The following MAGEE1 variants were observed in gnomAD, a reference collection of about 807,000 sequenced individuals.
MAGEE1 encodes melanoma-associated antigen E1.
Under a neutral mutation model 12.0 loss-of-function variants are expected in MAGEE1, and 3 were observed. That is an observed-to-expected ratio of 0.25 (90% CI 0.11 to 0.65). MAGEE1 has a LOEUF of 0.65. Among genes scored for constraint, MAGEE1 ranks in the 30% least tolerant of loss-of-function variants. The pLI is 0.84. For missense variants in MAGEE1, 729 were observed against 772.2 expected (o/e 0.94, Z 0.66); for synonymous variants, 414 against 326.1 (o/e 1.27, Z -2.91).
At position 76,428,147 on chromosome X, in the gene MAGEE1, G is replaced by A. The variant is rs1285274035; in HGVS notation, c.217G>A (p.Ala73Thr). 2 of 1,199,388 alleles carry A rather than the reference G, an allele frequency of 1.7e-6. No individual in the cohort carries two copies. Among genetic ancestry groups the A allele is most frequent in the Admixed American group, 2.3e-5 (1 of 44,441 alleles). ...GPSTSVLPTSAEGPSTFVPPT... is the reference protein window; with the variant it reads ...GPSTSVLPTSTEGPSTFVPPT... ...AAGCACCTCCGTTCTGCCCACCTCC[G>A]CTGAGGGCCCAAGCACCTTTGTGCC... Residue 73 changes from alanine (A) to threonine (T), a missense_variant, in exon 1 of 1, where the codon GCT (alanine) becomes ACT (threonine). Around this residue, in one of 4 missense-constraint regions of MAGEE1, gnomAD observed 473 missense variants for 423.7 expected, o/e 1.12. Transcript: ENST00000361470.
Position 76,428,498 on chromosome X carries a change from C to A in MAGEE1, c.568C>A (p.Pro190Thr). ...AYEGPSTSVV[P>T]TPDEGPSTSV... Reference sequence around the variant, plus strand: ...TGAGGGACCAAGCACCTCCGTGGTGCCCACCCCTGATGAGGGACCAAGCAC... The same window carrying A: ...TGAGGGACCAAGCACCTCCGTGGTGACCACCCCTGATGAGGGACCAAGCAC... Residue 190 changes from proline (P) to threonine (T), a missense_variant, in exon 1 of 1, where the codon CCC becomes ACC. Physicochemically the swap from Pro to Thr is conservative, Grantham distance 38 (BLOSUM62 -1). This residue lies in a region of MAGEE1 where 473 missense variants were observed against 423.7 expected (regional missense o/e 1.12). Coordinates refer to ENST00000361470, the MANE Select transcript of MAGEE1 (RefSeq NM_020932.3). The A allele has an allele frequency of 1.7e-6, 2 of 1,210,227 alleles. No homozygotes were observed. Among genetic ancestry groups the A allele is most frequent in the Non-Finnish European group, 2.2e-6 (2 of 894,961 alleles).
chrX:76,428,739 C>T lies in MAGEE1; in HGVS notation c.809C>T (p.Thr270Ile). 1 of 1,211,378 alleles carries T rather than the reference C, an allele frequency of 8.3e-7. No individual in the cohort carries two copies. Among genetic ancestry groups the T allele is most frequent in the African/African-American group, 1.7e-5 (1 of 57,883 alleles). ...GCCACTCCTGGTGAGGGACCGAGCA[C>T]CTCCGTGCTGCCCGCCGCCTCTGAC... is the stretch of plus-strand genomic sequence containing the variant. ...VPATPGEGPS[T>I]SVLPAASDGQ... Residue 270 changes from threonine (T) to isoleucine (I), a missense_variant, in exon 1 of 1, where the codon ACC becomes ATC. Physicochemically the swap from Thr to Ile is moderately conservative, Grantham distance 89 (BLOSUM62 -1). Transcript: ENST00000361470.
At position 76,428,204 on chromosome X, in the gene MAGEE1, G is replaced by A; in HGVS notation, c.274G>A (p.Gly92Arg). 8.3e-7 allele frequency: 1 copy of A among 1,210,939 alleles called. No individual in the cohort carries two copies. Among genetic ancestry groups the A allele is most frequent in the Non-Finnish European group, 1.1e-6 (1 of 895,168 alleles). Reference sequence around the variant, plus strand: ...CATCTCTGAGGCCTCAAGCGCCTCCGGGCAGCCCACCATCTCTGAGGGACC... The same window carrying A: ...CATCTCTGAGGCCTCAAGCGCCTCCAGGCAGCCCACCATCTCTGAGGGACC... ...PTISEASSAS[G>R]QPTISEGPGT... is the part of the protein sequence containing the mutation. The change falls in exon 1 of 1, where the codon GGG (glycine) becomes AGG (arginine). Residue 92 changes from glycine (G) to arginine (R), a missense_variant. This residue lies in a region of MAGEE1 where 473 missense variants were observed against 423.7 expected (regional missense o/e 1.12). Transcript: ENST00000361470.
Position 76,428,129 on chromosome X carries a change from T to G in MAGEE1, c.199T>G (p.Ser67Ala). Residue 67 changes from serine (S) to alanine (A), a missense_variant, in exon 1 of 1, where the codon TCC (serine) becomes GCC (alanine). Physicochemically the swap from Ser to Ala is moderately conservative, Grantham distance 99 (BLOSUM62 1). Coordinates refer to ENST00000361470, the MANE Select transcript of MAGEE1 (RefSeq NM_020932.3). ...GLCASEGPSTSVLPTSAEGPS... is the reference protein window; with the variant it reads ...GLCASEGPSTAVLPTSAEGPS... The stretch of plus-strand genomic sequence containing the variant: ...CTGCGCCTCTGAGGGCCCAAGCACC[T>G]CCGTTCTGCCCACCTCCGCTGAGGG... 3 of 1,196,088 alleles carry G rather than the reference T, an allele frequency of 2.5e-6. No homozygotes were observed. Among genetic ancestry groups the G allele is most frequent in the Non-Finnish European group, 3.4e-6 (3 of 887,596 alleles).
At position 76,429,709 on chromosome X, in the gene MAGEE1, G is replaced by A; in HGVS notation, c.1779G>A (p.Leu593=). Residue 593 remains leucine (L), a synonymous_variant, in exon 1 of 1, where the codon CTG becomes CTA. Transcript: ENST00000361470. ...LLMMILGQIF[L]NGNQAKEAEI... The stretch of plus-strand genomic sequence containing the variant: ...TGATGATTCTAGGCCAAATATTCCT[G>A]AATGGCAACCAAGCCAAGGAGGCTG... The A allele has an allele frequency of 3.3e-6, 4 of 1,211,182 alleles. No homozygotes were observed. The highest frequency in any genetic ancestry group is 3.5e-5 in the South Asian group (2 of 56,851).
chrX:76,431,318 AAAAAT>A lies in MAGEE1; in HGVS notation c.*519_*523del, dbSNP rs1923379618. 1 of 124,618 alleles carries A rather than the reference AAAAAT, an allele frequency of 8.0e-6. No individual in the cohort carries two copies. Among genetic ancestry groups the A allele is most frequent in the Admixed American group, 9.4e-5 (1 of 10,684 alleles). The allele number at this position is 124,618 out of a possible 1,213,427, so 10.3% of individuals were successfully genotyped here. A position where few individuals can be genotyped will look rare whatever the true frequency, so the allele number is the denominator to read the frequency against. On this transcript the variant is annotated 3_prime_UTR_variant, in exon 1 of 1. Transcript: ENST00000361470. ...TGCTTTGCTGTACTAAAATGTAATGAAAAATAAAAGATTAATAAATGAAACATAAT... is the reference window on the plus strand; with the variant it reads ...TGCTTTGCTGTACTAAAATGTAATGAAAAAGATTAATAAATGAAACATAAT...
rs1556839365 is a variant in MAGEE1, at chrX:76,428,596, C to A, written c.666C>A (p.Thr222=). 2.3e-5 allele frequency: 28 copies of A among 1,208,164 alleles called. No individual in the cohort carries two copies. Among genetic ancestry groups the A allele is most frequent in the Middle Eastern group, 2.3e-4 (1 of 4,371 alleles). Residue 222 remains threonine (T), a synonymous_variant, in exon 1 of 1, where the codon ACC becomes ACA. Coordinates refer to ENST00000361470, the MANE Select transcript of MAGEE1 (RefSeq NM_020932.3). ...TCGCCGCCACTGAGGGCCTGAGCAC[C>A]TCCGTGCAGGCCACTCCTGATGAGG... ...VPLAATEGLS[T]SVQATPDEGP...
Position 76,428,689 on chromosome X carries a change from T to C in MAGEE1, c.759T>C (p.Asp253=). 2 of 1,208,890 alleles carry C rather than the reference T, an allele frequency of 1.7e-6. No homozygotes were observed. The highest frequency in any genetic ancestry group is 2.2e-6 in the Non-Finnish European group (2 of 894,230). ...GLSTPVPPTR[D]EGPSTSVPAT... ...GCACCCCCGTGCCACCCACCCGTGA[T>C]GAGGGACCGAGCACCTCCGTGCCGG... is the stretch of plus-strand genomic sequence containing the variant. Residue 253 remains aspartate, a synonymous_variant, in exon 1 of 1, where the codon GAT becomes GAC. Coordinates refer to ENST00000361470, the MANE Select transcript of MAGEE1 (RefSeq NM_020932.3).
Position 76,429,141 on chromosome X carries a change from T to C in MAGEE1, c.1211T>C (p.Val404Ala). ...GCCCCTGACGGACCGGGAAGCTCCG[T>C]GCTGCCTAACCCTGGTGAGGGCCCG... The part of the protein sequence containing the change: ...PTAPDGPGSS[V>A]LPNPGEGPST... Residue 404 changes from valine to alanine, a missense_variant, in exon 1 of 1, where the codon GTG becomes GCG. Physicochemically the swap from Val to Ala is moderately conservative, Grantham distance 64. Transcript: ENST00000361470. 2 of 1,211,991 alleles carry C rather than the reference T, an allele frequency of 1.7e-6. No homozygotes were observed. Among genetic ancestry groups the C allele is most frequent in the Non-Finnish European group, 2.2e-6 (2 of 895,414 alleles).
chrX:76,429,148 T>C lies in MAGEE1; in HGVS notation c.1218T>C (p.Pro406=). The C allele has an allele frequency of 8.3e-7, 1 of 1,211,377 alleles. No homozygotes were observed. The highest frequency in any genetic ancestry group is 1.1e-6 in the Non-Finnish European group (1 of 895,256). The part of the protein sequence containing the change: ...APDGPGSSVL[P]NPGEGPSTLF... Reference sequence around the variant, plus strand: ...ACGGACCGGGAAGCTCCGTGCTGCCTAACCCTGGTGAGGGCCCGAGCACAT... The same window carrying C: ...ACGGACCGGGAAGCTCCGTGCTGCCCAACCCTGGTGAGGGCCCGAGCACAT... The change falls in exon 1 of 1, where the codon CCT becomes CCC. Residue 406 remains proline (P), a synonymous_variant. Coordinates refer to ENST00000361470, the MANE Select transcript of MAGEE1 (RefSeq NM_020932.3).
chrX:76,428,483 A>G lies in MAGEE1; in HGVS notation c.553A>G (p.Ser185Gly), dbSNP rs1923274111. ...GCCGCCCACAGCCTATGAGGGACCAAGCACCTCCGTGGTGCCCACCCCTGA... is the reference window on the plus strand; with the variant it reads ...GCCGCCCACAGCCTATGAGGGACCAGGCACCTCCGTGGTGCCCACCCCTGA... ...SVPPTAYEGP[S>G]TSVVPTPDEG... The change falls in exon 1 of 1, where the codon AGC becomes GGC. Residue 185 changes from serine to glycine, a missense_variant. This residue lies in a region of MAGEE1 where 473 missense variants were observed against 423.7 expected (regional missense o/e 1.12). Transcript: ENST00000361470. 8.3e-7 allele frequency: 1 copy of G among 1,207,645 alleles called. No homozygotes were observed.
Position 76,430,693 on chromosome X carries a change from C to T in MAGEE1, c.2763C>T (p.Ile921=), listed in dbSNP as rs782755740. ...AAGCCTTGCGATATGTGGCCAGAAT[C>T]CACAGAAAGGAACCACAGGACTGGC... The part of the protein sequence containing the change: ...KMKALRYVAR[I]HRKEPQDWPQ... The change falls in exon 1 of 1, where the codon ATC becomes ATT. Residue 921 remains isoleucine (I), a synonymous_variant. Coordinates refer to ENST00000361470, the MANE Select transcript of MAGEE1 (RefSeq NM_020932.3). The T allele has an allele frequency of 8.3e-7, 1 of 1,211,450 alleles. No homozygotes were observed. The highest frequency in any genetic ancestry group is 1.8e-5 in the South Asian group (1 of 56,957).
Position 76,429,164 on chromosome X carries a change from C to G in MAGEE1, c.1234C>G (p.Pro412Ala), listed in dbSNP as rs1923317755. 8.3e-7 allele frequency: 1 copy of G among 1,210,995 alleles called. No homozygotes were observed. The highest frequency in any genetic ancestry group is 2.2e-5 in the Admixed American group (1 of 46,011). ...SSVLPNPGEGPSTLFSSSASV... is the reference protein window; with the variant it reads ...SSVLPNPGEGASTLFSSSASV... ...CGTGCTGCCTAACCCTGGTGAGGGC[C>G]CGAGCACATTGTTTAGCTCTAGTGC... Residue 412 changes from proline (P) to alanine (A), a missense_variant, in exon 1 of 1, where the codon CCG (proline) becomes GCG (alanine). This residue lies in a region of MAGEE1 where 473 missense variants were observed against 423.7 expected (regional missense o/e 1.12). Transcript: ENST00000361470.
rs781973017 is a variant in MAGEE1 at position 76,427,971 on chromosome X, G to C, written c.41G>C (p.Arg14Pro). The C allele has an allele frequency of 1.1e-5, 13 of 1,204,040 alleles. No homozygotes were observed. The Admixed American group carries it at 2.9e-4, about 27-fold the overall frequency. The change falls in exon 1 of 1, where the codon CGC becomes CCC. Residue 14 changes from arginine to proline, a missense_variant. Coordinates refer to ENST00000361470, the MANE Select transcript of MAGEE1 (RefSeq NM_020932.3). Reference protein sequence around the residue: ...VSQNSRRRRRRVAKATAHNSS... With the variant: ...VSQNSRRRRRPVAKATAHNSS... ...CAGAATTCGCGCCGCCGCCGCCGCCGCGTTGCAAAGGCTACTGCGCACAAC... is the reference window on the plus strand; with the variant it reads ...CAGAATTCGCGCCGCCGCCGCCGCCCCGTTGCAAAGGCTACTGCGCACAAC...
rs1382607216 is a variant in MAGEE1, at chrX:76,430,259, C to T, written c.2329C>T (p.Arg777Ter). The change falls in exon 1 of 1, where the codon CGA (arginine) becomes TGA (stop). Residue 777 changes from arginine (R) to a stop codon, truncating the protein, a stop_gained. Coordinates refer to ENST00000361470, the MANE Select transcript of MAGEE1 (RefSeq NM_020932.3). LOFTEE classifies it high-confidence loss of function. ...GAAAGGAATTCTGTACTACATTGGC[C>T]GAGAGTGCAGCAAAGTGTTCCCTGA... The part of the protein sequence containing the change: ...PKKGILYYIG[R>*]ECSKVFPDLL... The T allele has an allele frequency of 8.3e-7, 1 of 1,210,302 alleles. No individual in the cohort carries two copies. Among genetic ancestry groups the T allele is most frequent in the Non-Finnish European group, 1.1e-6 (1 of 895,344 alleles).
Position 76,428,156 on chromosome X carries a change from C to G in MAGEE1, c.226C>G (p.Pro76Ala). The part of the protein sequence containing the change: ...TSVLPTSAEG[P>A]STFVPPTISE... ...CGTTCTGCCCACCTCCGCTGAGGGC[C>G]CAAGCACCTTTGTGCCGCCCACCAT... The change falls in exon 1 of 1, where the codon CCA (proline) becomes GCA (alanine). Residue 76 changes from proline (P) to alanine (A), a missense_variant. By Grantham distance (27) the Pro-to-Ala change is conservative. This residue lies in a region of MAGEE1 where 473 missense variants were observed against 423.7 expected (regional missense o/e 1.12). Transcript: ENST00000361470. The G allele has an allele frequency of 8.3e-7, 1 of 1,205,326 alleles. No individual in the cohort carries two copies. Among genetic ancestry groups the G allele is most frequent in the Non-Finnish European group, 1.1e-6 (1 of 892,248 alleles).
In MAGEE1 at chrX:76,427,957, C is replaced by T; in HGVS notation, c.27C>T (p.Arg9=). 1 of 1,164,876 alleles carries T rather than the reference C, an allele frequency of 8.6e-7. No homozygotes were observed. Among genetic ancestry groups the T allele is most frequent in the Non-Finnish European group, 1.2e-6 (1 of 869,399 alleles). Reference sequence around the variant, plus strand: ...TGTCTCTGGTAAGCCAGAATTCGCGCCGCCGCCGCCGCCGCGTTGCAAAGG... The same window carrying T: ...TGTCTCTGGTAAGCCAGAATTCGCGTCGCCGCCGCCGCCGCGTTGCAAAGG... MSLVSQNS[R]RRRRRVAKAT... Residue 9 remains arginine, a synonymous_variant, in exon 1 of 1, where the codon CGC becomes CGT. Transcript: ENST00000361470.
Position 76,427,991 on chromosome X carries a change from C to A in MAGEE1, c.61C>A (p.His21Asn). 4.1e-6 allele frequency: 5 copies of A among 1,206,824 alleles called. No homozygotes were observed. Among genetic ancestry groups the A allele is most frequent in the Non-Finnish European group, 5.6e-6 (5 of 893,516 alleles). ...CCGCCGCGTTGCAAAGGCTACTGCG[C>A]ACAACAGCAGCTGGGGCGAAATGCA... is the stretch of plus-strand genomic sequence containing the variant. ...RRRRVAKATA[H>N]NSSWGEMQAP... Residue 21 changes from histidine to asparagine, a missense_variant, in exon 1 of 1, where the codon CAC becomes AAC. Around this residue, in one of 4 missense-constraint regions of MAGEE1, gnomAD observed 473 missense variants for 423.7 expected, o/e 1.12. Transcript: ENST00000361470.
chrX:76,428,388 C>G lies in MAGEE1; in HGVS notation c.458C>G (p.Pro153Arg). 5.8e-6 allele frequency: 7 copies of G among 1,209,137 alleles called. No homozygotes were observed. Among genetic ancestry groups the G allele is most frequent in the Non-Finnish European group, 7.8e-6 (7 of 893,981 alleles). Residue 153 changes from proline (P) to arginine (R), a missense_variant, in exon 1 of 1, where the codon CCG (proline) becomes CGG (arginine). This residue lies in a region of MAGEE1 where 473 missense variants were observed against 423.7 expected (regional missense o/e 1.12). Coordinates refer to ENST00000361470, the MANE Select transcript of MAGEE1 (RefSeq NM_020932.3). The stretch of plus-strand genomic sequence containing the variant: ...TCTGAGGAACCTAGCACCTCCGTGC[C>G]GCCCACCGCCTCTGAGGTACCGAGC... ...TSSEEPSTSVPPTASEVPSTS... is the reference protein window; with the variant it reads ...TSSEEPSTSVRPTASEVPSTS...
Sources: allele counts gnomAD v4.1 joint callset, GRCh38; gene constraint gnomAD v4.1.1; regional missense constraint gnomAD v4.1.1; transcripts MANE v1.5; gene names NCBI Gene and HGNC (gene_info 2026-07-23, HGNC 2026-07-21).